Variants in ZSWIM6 observed in about 807,000 individuals in gnomAD.
ZSWIM6 encodes the protein zinc finger SWIM domain-containing protein 6.
ZSWIM6 carries 9 observed loss-of-function variants against 113.2 expected under a neutral mutation model. That is an observed-to-expected ratio of 0.08 (90% CI 0.05 to 0.14). The LOEUF is 0.14. Among genes scored for constraint, ZSWIM6 ranks in the 10% least tolerant of loss-of-function variants. ZSWIM6 has a pLI of 1.00. For missense variants in ZSWIM6, 1,162 were observed against 1,552.2 expected (o/e 0.75, Z 4.22); for synonymous variants, 611 against 606.5 (o/e 1.01, Z -0.11).
intron 4 of ZSWIM6, among the ~76,000 whole-genome samples, chr5:61,514,869 G>A (rs1561273251): frequency 6.6e-6 from 1 of 152,050 alleles, no homozygotes; most frequent in Non-Finnish European, 1.5e-5. Context: ...TAGTATCAGG[G>A]TAATAATGCT....
At chr5:61,477,039 A>G (rs1377980352) in intron 2 of ZSWIM6, among the ~76,000 whole-genome samples, 1 of 152,228 alleles carries the variant, frequency 6.6e-6, no homozygotes, top group Non-Finnish European at 1.5e-5. Flanking sequence ...ACAGTTAAGA[A>G]GAGAGAAGCC....
At chr5:61,530,745 G>T (rs1749409565) in intron 8 of ZSWIM6, among the ~76,000 whole-genome samples, 1 of 152,204 alleles carries the variant, frequency 6.6e-6, no homozygotes, top group Non-Finnish European at 1.5e-5. Context: ...CAAGGGCAGT[G>T]GGTGGAGGTA....
At chr5:61,460,869 T>G (rs1173050430) in intron 1 of ZSWIM6, among the ~76,000 whole-genome samples, 1 of 151,928 alleles carries the variant, frequency 6.6e-6, no homozygotes, top group Non-Finnish European at 1.5e-5. Context: ...TATTTTATGT[T>G]TCTATATTAT....
At chr5:61,541,134 G>C (rs1580074592) in intron 12 of ZSWIM6, among the ~76,000 whole-genome samples, 1 of 151,882 alleles carries the variant, frequency 6.6e-6, no homozygotes, top group East Asian at 1.9e-4. Flanking sequence ...AATAGAGACG[G>C]GGTTTCACCA....
At chr5:61,503,372 A>C (rs1046323089) in intron 4 of ZSWIM6, among the ~76,000 whole-genome samples, 1 of 152,206 alleles carries the variant, frequency 6.6e-6, no homozygotes, top group Non-Finnish European at 1.5e-5. Context: ...ATAGAAAGCC[A>C]AATCTCTGTG....
At chr5:61,422,892 T>C (rs1746382885) in intron 1 of ZSWIM6, among the ~76,000 whole-genome samples, 1 of 152,224 alleles carries the variant, frequency 6.6e-6, no homozygotes, top group Non-Finnish European at 1.5e-5. Flanking sequence ...CTGATTTTTG[T>C]ATGTTGATTT....
chr5:61,411,956 TAATC>T (rs1159314820), intron 1 of ZSWIM6, among the ~76,000 whole-genome samples: 2 of 152,226 alleles, frequency 1.3e-5, no homozygotes, highest in African/African-American at 4.8e-5. Context: ...TTTAGGAAAT[TAATC>T]AAAGACATTA....
In ZSWIM6 at chr5:61,459,363, A is replaced by G. The variant is rs1053318231; in HGVS notation, c.677-13318A>G. Among the ~76,000 whole-genome samples, 48 of 152,170 alleles carry G rather than the reference A, an allele frequency of 3.2e-4. 2 individuals carry two copies. Among genetic ancestry groups the G allele is most frequent in the Non-Finnish European group, 1.5e-5 (1 of 68,018 alleles). ...CTTTTGGGCTAATAAAATGGAATATATCTGTTCCTTTATATTATAGATGCT... is the reference window on the plus strand; with the variant it reads ...CTTTTGGGCTAATAAAATGGAATATGTCTGTTCCTTTATATTATAGATGCT... On this transcript the variant is annotated intron_variant, in intron 1 of 13. Coordinates refer to ENST00000252744, the MANE Select transcript of ZSWIM6 (RefSeq NM_020928.2).
intron 9 of ZSWIM6, among the ~76,000 whole-genome samples, chr5:61,535,006 C>T (rs901395867): frequency 6.6e-6 from 1 of 152,134 alleles, no homozygotes; most frequent in Admixed American, 6.5e-5. Context: ...TCCCACACCT[C>T]TCACCCCTGA....
intron 1 of ZSWIM6, among the ~76,000 whole-genome samples, chr5:61,351,962 G>A (rs1277452394): frequency 6.6e-6 from 1 of 152,214 alleles, no homozygotes; most frequent in Admixed American, 6.5e-5. Flanking sequence ...TTGCAGCCAG[G>A]ATGGTGTTGT....
intron 1 of ZSWIM6, among the ~76,000 whole-genome samples, chr5:61,471,415 C>T (rs1379846673): frequency 6.6e-6 from 1 of 151,508 alleles, no homozygotes; most frequent in African/African-American, 2.4e-5. Context: ...TGTCCTCTGG[C>T]CAAGCTGGTC....
At chr5:61,395,294 G>A (rs897554842) in intron 1 of ZSWIM6, among the ~76,000 whole-genome samples, 3 of 151,908 alleles carry the variant, frequency 2.0e-5, no homozygotes, top group Non-Finnish European at 2.9e-5. Context: ...TTGGTGGGGG[G>A]GCACTGGGTG....
intron 2 of ZSWIM6, among the ~76,000 whole-genome samples, chr5:61,477,139 A>T (rs1390229952): frequency 6.6e-6 from 1 of 152,084 alleles, no homozygotes; most frequent in South Asian, 2.1e-4. Context: ...CTTTTCGTAC[A>T]CTAATCTTCC....
chr5:61,425,570 A>G (rs1014537176), intron 1 of ZSWIM6, among the ~76,000 whole-genome samples: 1 of 152,212 alleles, frequency 6.6e-6, no homozygotes, highest in East Asian at 1.9e-4. Flanking sequence ...TCCCCATACA[A>G]CCTGGAAATG....
intron 1 of ZSWIM6, among the ~76,000 whole-genome samples, chr5:61,414,966 A>G (rs1270056224): frequency 6.6e-6 from 1 of 152,172 alleles, no homozygotes; most frequent in Non-Finnish European, 1.5e-5. Context: ...AAAGCTGTGA[A>G]ATAGATGGCA....
intron 2 of ZSWIM6, among the ~76,000 whole-genome samples, chr5:61,484,369 C>A (rs1045642597): frequency 2.0e-5 from 3 of 152,104 alleles, no homozygotes; most frequent in Non-Finnish European, 4.4e-5. Flanking sequence ...AGATGGAAGA[C>A]TGTATTATTT....
Position 61,531,630 on chromosome 5 carries a change from G to A in ZSWIM6, c.2150G>A (p.Arg717Gln), listed in dbSNP as rs199521047. Residue 717 changes from arginine to glutamine, a missense_variant, in exon 9 of 14, where the codon CGG becomes CAG. By Grantham distance (43) the Arg-to-Gln change is conservative. Transcript: ENST00000252744. ...CTGTACACACAAGAGAAAGTTTGCC[G>A]GAATGAGGAGCAGCTCATTTCTAAG... Reference protein sequence around the residue: ...DGLYTQEKVCRNEEQLISKLQ... With the variant: ...DGLYTQEKVCQNEEQLISKLQ... The A allele has an allele frequency of 2.5e-4, 385 of 1,551,664 alleles. 1 individual carries two copies. Among genetic ancestry groups the A allele is most frequent in the South Asian group, 9.0e-4 (76 of 84,062 alleles).
At chr5:61,425,885 T>C (rs567571259) in intron 1 of ZSWIM6, among the ~76,000 whole-genome samples, 59 of 152,360 alleles carry the variant, frequency 3.9e-4, no homozygotes, top group Admixed American at 1.8e-3. Flanking sequence ...AAGGGTCTTA[T>C]GTGCTCAGCT....
At chr5:61,531,050 A>G (rs936473023) in intron 8 of ZSWIM6, among the ~76,000 whole-genome samples, 1 of 152,200 alleles carries the variant, frequency 6.6e-6, no homozygotes, top group Non-Finnish European at 1.5e-5. Context: ...ATTGGGTTAT[A>G]TATGTTATGT....
Sources: gnomAD v4.1 joint callset for allele counts (sites outside exome capture counted in the v4.1 genomes callset) on GRCh38, gnomAD v4.1.1 for gene constraint, MANE v1.5 for transcripts, NCBI Gene and HGNC (gene_info 2026-07-23, HGNC 2026-07-21) for gene names.